PLD1: variants seen among roughly 807,000 people sequenced by gnomAD.
The protein encoded by PLD1 is choline phosphatase 1.
Under a neutral mutation model 137.1 loss-of-function variants are expected in PLD1, and 112 were observed. The ratio of observed to expected loss-of-function variants is 0.82; its 90% CI spans 0.70 to 0.96. The LOEUF is 0.96. PLD1 is among the 40% of genes least tolerant of loss of function. The pLI is 0.00. For synonymous variants in PLD1, 431 were observed against 454.7 expected, an observed-to-expected ratio of 0.95 and a Z score of 0.66; for missense variants, 1,321 against 1,342.0, an observed-to-expected ratio of 0.98 and a Z score of 0.24.
chr3:171,641,173 A>G (rs985751017), intron 23 of PLD1, among the ~76,000 whole-genome samples: 1 of 152,168 alleles, frequency 6.6e-6, no homozygotes, highest in African/African-American at 2.4e-5. Flanking sequence ...TAAGATTATC[A>G]TGGAGCTGAG....
At chr3:171,804,934 G>C (rs1338371506) in intron 1 of PLD1, among the ~76,000 whole-genome samples, 1 of 152,130 alleles carries the variant, frequency 6.6e-6, no homozygotes, top group Non-Finnish European at 1.5e-5. Context: ...CTCTGCATTT[G>C]TTTCTCCCCT....
chr3:171,767,586 C>A (rs1035901305), intron 1 of PLD1, among the ~76,000 whole-genome samples: 2 of 152,268 alleles, frequency 1.3e-5, no homozygotes, highest in East Asian at 3.9e-4. Flanking sequence ...TTCAGTTCTT[C>A]CCCCTCCACA....
At chr3:171,642,233 T>C (rs928404670) in intron 23 of PLD1, among the ~76,000 whole-genome samples, 1 of 151,764 alleles carries the variant, frequency 6.6e-6, no homozygotes, top group Non-Finnish European at 1.5e-5. Flanking sequence ...GGCGGGTGGA[T>C]CACCTGAGGT....
chr3:171,622,183 A>AT (rs1449982332), intron 23 of PLD1, among the ~76,000 whole-genome samples: 5 of 152,140 alleles, frequency 3.3e-5, no homozygotes, highest in South Asian at 4.1e-4. Flanking sequence ...TAAAGTAAAT[A>AT]TTTTTTTACA....
chr3:171,750,690 C>T (rs900010152), intron 1 of PLD1, among the ~76,000 whole-genome samples: 48 of 152,182 alleles, frequency 3.2e-4, no homozygotes, highest in African/African-American at 1.1e-3. Flanking sequence ...ACACTAATGA[C>T]GATAAACTTC....
intron 6 of PLD1, among the ~76,000 whole-genome samples, chr3:171,729,536 A>G (rs1718778111): frequency 6.6e-6 from 1 of 152,090 alleles, no homozygotes; most frequent in Non-Finnish European, 1.5e-5. Context: ...GGTAGCAAAA[A>G]CTCAAGTAAA....
chr3:171,777,481 T>C (rs923345555), intron 1 of PLD1, among the ~76,000 whole-genome samples: 4 of 152,184 alleles, frequency 2.6e-5, no homozygotes, highest in African/African-American at 9.6e-5. Flanking sequence ...CCTTCCTTGC[T>C]TACCCAATCT....
chr3:171,633,750 G>A (rs1734877248), intron 23 of PLD1, among the ~76,000 whole-genome samples: 1 of 152,086 alleles, frequency 6.6e-6, no homozygotes, highest in South Asian at 2.1e-4. Flanking sequence ...GTATATGTAC[G>A]TATCTAATCC....
intron 21 of PLD1, among the ~76,000 whole-genome samples, chr3:171,649,180 A>G (rs1232397005): frequency 6.6e-6 from 1 of 152,166 alleles, no homozygotes; most frequent in African/African-American, 2.4e-5. Flanking sequence ...TGTCCTATAA[A>G]AATATTATAA....
At chr3:171,747,333 G>A (rs767991424) in intron 1 of PLD1, among the ~76,000 whole-genome samples, 1 of 152,200 alleles carries the variant, frequency 6.6e-6, no homozygotes, top group Non-Finnish European at 1.5e-5. Context: ...CCTTGGCTGT[G>A]CTGAGCACAC....
chr3:171,689,837 G>T (rs117581495), intron 13 of PLD1, among the ~76,000 whole-genome samples: 1 of 152,252 alleles, frequency 6.6e-6, no homozygotes, highest in East Asian at 1.9e-4. Context: ...TTTAAAAATT[G>T]TAGTAAAGTA....
At chr3:171,609,543 CA>C (rs2108263827) in intron 25 of PLD1, among the ~76,000 whole-genome samples, 2 of 146,906 alleles carry the variant, frequency 1.4e-5, no homozygotes, top group South Asian at 4.2e-4. Flanking sequence ...CACACACACA[CA>C]CACACACACA....
In PLD1 at chr3:171,708,793, C is replaced by G. The variant is rs141049239; in HGVS notation, c.1107G>C (p.Met369Ile). The change falls in exon 11 of 27, where the codon ATG (methionine) becomes ATC (isoleucine). Residue 369 changes from methionine (M) to isoleucine (I), a missense_variant. Physicochemically the swap from Met to Ile is conservative, Grantham distance 10 (BLOSUM62 1). Transcript: ENST00000351298. ...KGYFEDVANA[M>I]EEANEEIFIT... ...TAAAAATCTCTTCATTTGCCTCTTC[C>G]ATTGCATTTGCCACATCTTCAAAAT... is the stretch of plus-strand genomic sequence containing the variant. 7.8e-4 allele frequency: 1,249 copies of G among 1,603,912 alleles called. No individual in the cohort carries two copies. Among genetic ancestry groups the G allele is most frequent in the Non-Finnish European group, 1.0e-3 (1,223 of 1,170,686 alleles).
At chr3:171,648,996 C>T (rs1006728858) in intron 21 of PLD1, among the ~76,000 whole-genome samples, 6 of 152,058 alleles carry the variant, frequency 3.9e-5, no homozygotes, top group Admixed American at 3.9e-4. Context: ...TTGATATTTA[C>T]GCTGACTAAC....
chr3:171,606,546 A>C (rs1732218859), intron 25 of PLD1, among the ~76,000 whole-genome samples: 2 of 152,230 alleles, frequency 1.3e-5, no homozygotes, highest in African/African-American at 4.8e-5. Flanking sequence ...AGGAGGAACC[A>C]GCGAGGCTGG....
intron 24 of PLD1, among the ~76,000 whole-genome samples, chr3:171,616,620 G>A (rs923562829): frequency 2.0e-5 from 3 of 152,154 alleles, no homozygotes; most frequent in African/African-American, 7.2e-5. Context: ...GACTTTTGGG[G>A]ATTTTCAGAG....
Position 171,674,516 on chromosome 3 carries a change from A to G in PLD1, c.2213T>C (p.Val738Ala). 6.3e-7 allele frequency: 1 copy of G among 1,595,722 alleles called. No individual in the cohort carries two copies. The highest frequency in any genetic ancestry group is 8.6e-7 in the Non-Finnish European group (1 of 1,164,852). Residue 738 changes from valine (V) to alanine (A), a missense_variant, in exon 19 of 27, where the codon GTC (valine) becomes GCC (alanine). Transcript: ENST00000351298. ...CTTACTTACCTGTACGTTAGCATGG[A>G]CAGACCCAGGCACTTGATATCTCAA... Reference protein sequence around the residue: ...HELRYQVPGSVHANVQLLRSA... With the variant: ...HELRYQVPGSAHANVQLLRSA...
intron 1 of PLD1, among the ~76,000 whole-genome samples, chr3:171,784,007 T>C (rs145721746): frequency 6.6e-6 from 1 of 152,176 alleles, no homozygotes; most frequent in African/African-American, 2.4e-5. Flanking sequence ...ACTCTCTGTG[T>C]CTGGATAGTA....
intron 6 of PLD1, among the ~76,000 whole-genome samples, chr3:171,727,602 A>T (rs1446967433): frequency 6.6e-6 from 1 of 152,204 alleles, no homozygotes. Flanking sequence ...ACGGGAGACC[A>T]GATATGGAAA....
Sources: gnomAD v4.1 joint callset for allele counts (sites outside exome capture counted in the v4.1 genomes callset) on GRCh38, gnomAD v4.1.1 for gene constraint, MANE v1.5 for transcripts, NCBI Gene and HGNC (gene_info 2026-07-23, HGNC 2026-07-21) for gene names.